KANSL3: variants seen among roughly 807,000 people sequenced by gnomAD.
The protein encoded by KANSL3 is NSL complex protein NSL3.
KANSL3 carries 16 observed loss-of-function variants against 89.2 expected under a neutral mutation model. The observed-to-expected ratio is 0.18, with a 90% CI of 0.12 to 0.27. The LOEUF is 0.27. Ranked by LOEUF, KANSL3 falls within the 10% of genes least tolerant of loss-of-function variation. The pLI is 1.00. For synonymous variants in KANSL3, 385 were observed against 419.7 expected (o/e 0.92, Z 1.01); for missense variants, 879 against 1,110.6 (o/e 0.79, Z 2.96).
chr2:96,607,607 C>G (rs1432334885), intron 14 of KANSL3, among the ~76,000 whole-genome samples: 3 of 152,194 alleles, frequency 2.0e-5, no homozygotes, highest in Non-Finnish European at 4.4e-5. Flanking sequence ...GGCCTGGCCT[C>G]ATTTCTCAAC....
At chr2:96,614,911 C>T (rs1405670971) in intron 5 of KANSL3, 4 of 151,012 alleles carry the variant, frequency 2.6e-5, no homozygotes, top group Non-Finnish European at 4.4e-5. Context: ...GCACGTTGTG[C>T]ACATGTACCC....
rs1372196291 is a variant in KANSL3, at chr2:96,595,322, C to A, written c.*289G>T. ...TGCTGACCCTTGGGTCAAACCACAG[C>A]TTAAGCGGGGGAAGAAGTGGTTCTG... On this transcript the variant is annotated 3_prime_UTR_variant, in exon 21 of 21. Coordinates refer to ENST00000431828, the MANE Select transcript of KANSL3 (RefSeq NM_001115016.3). 2 of 389,014 alleles carry A rather than the reference C, an allele frequency of 5.1e-6. No individual in the cohort carries two copies. The highest frequency in any genetic ancestry group is 9.4e-6 in the Non-Finnish European group (2 of 212,738). 24.1% of individuals were successfully genotyped at this position (389,014 alleles called of 1,614,324 possible).
Position 96,612,815 on chromosome 2 carries a change from T to C in KANSL3, c.912+3A>G, listed in dbSNP as rs746052774. On this transcript the variant is annotated splice_donor_region_variant and intron_variant, in intron 7 of 20. Coordinates refer to ENST00000431828, the MANE Select transcript of KANSL3 (RefSeq NM_001115016.3). ...AAGGAGTTCCTCTTGCCCCCACACA[T>C]ACCTTGCCCAAGCAGGACAGCTGAG... The C allele has an allele frequency of 6.6e-5, 103 of 1,552,968 alleles. 2 individuals are homozygous for C. In the South Asian group the frequency reaches 1.2e-3, roughly 18 times the overall value.
At chr2:96,623,608 T>C (rs2071728943) in intron 3 of KANSL3, among the ~76,000 whole-genome samples, 1 of 152,200 alleles carries the variant, frequency 6.6e-6, no homozygotes, top group Admixed American at 6.5e-5. Context: ...AATCTCCACC[T>C]ACCACATCTC....
the KANSL3 span, among the ~76,000 whole-genome samples, chr2:96,586,880 C>T: frequency 6.6e-6 from 1 of 152,166 alleles, no homozygotes; most frequent in African/African-American, 2.4e-5. Context: ...TAGCCATATC[C>T]CTTCTACTTT....
chr2:96,607,004 T>G, intron 14 of KANSL3: 1 of 1,289,600 alleles, frequency 7.8e-7, no homozygotes, highest in Non-Finnish European at 1.0e-6. Context: ...GAGGAAGAGC[T>G]TTCCTCACCA....
At chr2:96,635,252 C>T (rs775333582) in intron 2 of KANSL3, among the ~76,000 whole-genome samples, 5 of 152,208 alleles carry the variant, frequency 3.3e-5, no homozygotes, top group Non-Finnish European at 7.4e-5. Context: ...AATTCCTTCA[C>T]GAGGTAACCC....
At chr2:96,633,050 G>A (rs2073691763) in intron 2 of KANSL3, among the ~76,000 whole-genome samples, 1 of 151,770 alleles carries the variant, frequency 6.6e-6, no homozygotes, top group African/African-American at 2.4e-5. Context: ...GGAGGCCAAG[G>A]TGGGCAGAAC....
intron 1 of KANSL3, 77 bp from the exon 2 acceptor site, chr2:96,637,262 C>G (rs758645292): frequency 3.3e-5 from 21 of 627,198 alleles, no homozygotes; most frequent in Non-Finnish European, 5.0e-5. Context: ...AACATGCTTA[C>G]TTTTGTAACC....
rs1043835056 is a variant in KANSL3 at position 96,619,706 on chromosome 2, T to G, written c.443A>C (p.Gln148Pro). 1 of 1,564,462 alleles carries G rather than the reference T, an allele frequency of 6.4e-7. No individual in the cohort carries two copies. The highest frequency in any genetic ancestry group is 8.7e-7 in the Non-Finnish European group (1 of 1,154,136). ...KLFNKILKAL[Q>P]SDRLARLANE... ...GGCCAAGCGGGCAAGCCGGTCAGAC[T>G]GCAGGGCTTTGAGGATCTTGTTGAA... The change falls in exon 4 of 21, where the codon CAG becomes CCG. Residue 148 changes from glutamine (Q) to proline (P), a missense_variant. Around this residue, in one of 6 missense-constraint regions of KANSL3, gnomAD observed 210 missense variants for 311.9 expected, o/e 0.67. Coordinates refer to ENST00000431828, the MANE Select transcript of KANSL3 (RefSeq NM_001115016.3).
chr2:96,611,901 A>ATGTG (rs1491403979), intron 9 of KANSL3, among the ~76,000 whole-genome samples: 1 of 31,772 alleles, frequency 3.1e-5, no homozygotes, highest in African/African-American at 2.1e-4. Flanking sequence ...ATATATACCC[A>ATGTG]TATGTGTGTG....
At chr2:96,619,314 G>A (rs537924098) in intron 5 of KANSL3, 45 bp downstream of exon 5, 2 of 1,547,890 alleles carry the variant, frequency 1.3e-6, no homozygotes, top group South Asian at 2.4e-5. Context: ...CCACAGGGGA[G>A]GATGGCTATC....
chr2:96,590,283 C>T (rs900382844), downstream of KANSL3, among the ~76,000 whole-genome samples: 74 of 151,974 alleles, frequency 4.9e-4, no homozygotes, highest in Non-Finnish European at 9.9e-4. Flanking sequence ...CTCTGAAAAA[C>T]AGTGGCAGTT....
At chr2:96,633,417 C>A (rs1317914340) in intron 2 of KANSL3, among the ~76,000 whole-genome samples, 1 of 151,792 alleles carries the variant, frequency 6.6e-6, no homozygotes, top group African/African-American at 2.4e-5. Context: ...TTAAAAAAAA[C>A]AAAAATTAGG....
chr2:96,618,854 CTAAG>C (rs1295195267), intron 5 of KANSL3, among the ~76,000 whole-genome samples: 4 of 152,146 alleles, frequency 2.6e-5, no homozygotes, highest in Non-Finnish European at 4.4e-5. Context: ...TTGTGCAATA[CTAAG>C]TAAGAAAGCA....
At chr2:96,582,156 A>T in the KANSL3 span, among the ~76,000 whole-genome samples, 1 of 152,146 alleles carries the variant, frequency 6.6e-6, no homozygotes, top group Non-Finnish European at 1.5e-5. Flanking sequence ...TTGGGAGGCC[A>T]AGACGGGCGG....
chr2:96,589,407 G>A (rs1434691794), downstream of KANSL3, among the ~76,000 whole-genome samples: 1 of 152,210 alleles, frequency 6.6e-6, no homozygotes, highest in Non-Finnish European at 1.5e-5. Context: ...AATGGGTATA[G>A]TGTCAAATAA....
chr2:96,588,501 G>A (rs2066255810), downstream of KANSL3, among the ~76,000 whole-genome samples: 1 of 152,094 alleles, frequency 6.6e-6, no homozygotes, highest in South Asian at 2.1e-4. Flanking sequence ...TAAATAAGAA[G>A]GAAATGGTAA....
At chr2:96,629,464 A>C (rs1435220442) in intron 3 of KANSL3, among the ~76,000 whole-genome samples, 1 of 152,184 alleles carries the variant, frequency 6.6e-6, no homozygotes. Flanking sequence ...CTGGGATTAC[A>C]GGCATGCGCC....
Sources: gnomAD v4.1 joint callset for allele counts (sites outside exome capture counted in the v4.1 genomes callset) on GRCh38, gnomAD v4.1.1 for gene constraint, gnomAD v4.1.1 regional missense constraint, MANE v1.5 for transcripts, NCBI Gene and HGNC (gene_info 2026-07-23, HGNC 2026-07-21) for gene names.